TENM3: variants seen among roughly 807,000 people sequenced by gnomAD.
TENM3 encodes teneurin-3.
TENM3 carries 63 observed loss-of-function variants against 255.1 expected under a neutral mutation model. That is an observed-to-expected ratio of 0.25 (90% confidence interval 0.20 to 0.30). The LOEUF is 0.30. Among genes scored for constraint, TENM3 ranks in the 10% least tolerant of loss-of-function variants. The pLI, the probability that TENM3 is intolerant of heterozygous loss-of-function variation, is 1.00. For synonymous variants in TENM3, 1,306 were observed against 1,322.3 expected (o/e 0.99, Z 0.27); for missense variants, 2,929 against 3,461.1 (o/e 0.85, Z 3.86).
intron 22 of TENM3, among the ~76,000 whole-genome samples, chr4:182,762,198 T>C (rs1225321300): frequency 6.6e-6 from 1 of 152,236 alleles, no homozygotes; most frequent in African/African-American, 2.4e-5. Flanking sequence ...CAAGGTTGAA[T>C]TAACTCTTTC....
At chr4:181,655,608 T>A in the TENM3 span, among the ~76,000 whole-genome samples, 1 of 152,206 alleles carries the variant, frequency 6.6e-6, no homozygotes, top group African/African-American at 2.4e-5. Context: ...TGAGCATGTA[T>A]GGCAGAGGCC....
chr4:181,963,017 A>G, the TENM3 span, among the ~76,000 whole-genome samples: 1 of 152,194 alleles, frequency 6.6e-6, no homozygotes, highest in African/African-American at 2.4e-5. Context: ...ATGCACCTCA[A>G]TACTTTCCAG....
chr4:182,148,399 T>C (rs1750105660), intron 1 of TENM3, among the ~76,000 whole-genome samples: 1 of 152,128 alleles, frequency 6.6e-6, no homozygotes, highest in Non-Finnish European at 1.5e-5. Context: ...GGGACCTAAT[T>C]TGAACTTTTT....
At chr4:182,453,901 A>T (rs1561463629) in intron 3 of TENM3, among the ~76,000 whole-genome samples, 1 of 152,150 alleles carries the variant, frequency 6.6e-6, no homozygotes, top group Non-Finnish European at 1.5e-5. Context: ...TTTAACCATT[A>T]TTTCATTTTA....
intron 3 of TENM3, among the ~76,000 whole-genome samples, chr4:182,520,795 T>C (rs1000637408): frequency 6.6e-6 from 1 of 152,160 alleles, no homozygotes; most frequent in Non-Finnish European, 1.5e-5. Context: ...AAAAGAAAAA[T>C]AATTATAGTA....
chr4:181,731,587 A>C, the TENM3 span, among the ~76,000 whole-genome samples: 1 of 152,162 alleles, frequency 6.6e-6, no homozygotes, highest in Non-Finnish European at 1.5e-5. Context: ...TTCTGAGCTC[A>C]AGCGATCCAC....
intron 3 of TENM3, among the ~76,000 whole-genome samples, chr4:182,396,223 C>T (rs1768798241): frequency 6.6e-6 from 1 of 152,164 alleles, no homozygotes; most frequent in African/African-American, 2.4e-5. Flanking sequence ...CTCTGGCTTC[C>T]TTCCAGGCTG....
intron 3 of TENM3, among the ~76,000 whole-genome samples, chr4:182,351,765 C>T (rs1053835084): frequency 1.3e-5 from 2 of 152,136 alleles, no homozygotes; most frequent in Admixed American, 6.5e-5. Flanking sequence ...GGCACTACCA[C>T]CTCCCGACTT....
At chr4:182,023,536 T>C in the TENM3 span, among the ~76,000 whole-genome samples, 1 of 152,144 alleles carries the variant, frequency 6.6e-6, no homozygotes, top group Non-Finnish European at 1.5e-5. Flanking sequence ...GATTATATCA[T>C]AGGGAGGAAT....
the TENM3 span, among the ~76,000 whole-genome samples, chr4:182,036,425 A>C: frequency 6.6e-6 from 1 of 152,138 alleles, no homozygotes. Context: ...TCCTGACCTC[A>C]GGTGATCCGC....
the TENM3 span, among the ~76,000 whole-genome samples, chr4:181,959,904 A>G: frequency 6.6e-6 from 1 of 152,236 alleles, no homozygotes; most frequent in Non-Finnish European, 1.5e-5. Flanking sequence ...AAATAGGGGT[A>G]GAGAGGCAGA....
intron 1 of TENM3, among the ~76,000 whole-genome samples, chr4:182,280,818 A>G (rs1339056764): frequency 1.3e-5 from 2 of 152,250 alleles, no homozygotes; most frequent in African/African-American, 2.4e-5. Context: ...TGTAAAACAG[A>G]TAAGAGTGGA....
the TENM3 span, among the ~76,000 whole-genome samples, chr4:181,638,679 A>C: frequency 7.9e-4 from 120 of 152,332 alleles, no homozygotes; most frequent in African/African-American, 2.8e-3. Flanking sequence ...CTTTATTGGA[A>C]AACATAATAC....
intron 1 of TENM3, among the ~76,000 whole-genome samples, chr4:182,198,785 G>A (rs549454190): frequency 1.3e-5 from 2 of 152,308 alleles, no homozygotes; most frequent in East Asian, 3.9e-4. Flanking sequence ...GCAGAGGGAA[G>A]CAAAGGAATG....
intron 3 of TENM3, among the ~76,000 whole-genome samples, chr4:182,573,796 G>C (rs866592118): frequency 7.9e-5 from 12 of 152,124 alleles, no homozygotes; most frequent in African/African-American, 2.9e-4. Flanking sequence ...ATTCCCAAAT[G>C]TTATGTTTTA....
the TENM3 span, among the ~76,000 whole-genome samples, chr4:182,065,229 T>G: frequency 6.6e-6 from 1 of 152,092 alleles, no homozygotes; most frequent in Non-Finnish European, 1.5e-5. Flanking sequence ...GAGATGGGCT[T>G]TCACCATGTT....
chr4:182,023,524 T>C, the TENM3 span, among the ~76,000 whole-genome samples: 4 of 152,170 alleles, frequency 2.6e-5, no homozygotes, highest in African/African-American at 4.8e-5. Context: ...ATTTTGAACA[T>C]AGATTATATC....
At chr4:182,257,665 G>T (rs767673444) in intron 1 of TENM3, among the ~76,000 whole-genome samples, 1 of 152,144 alleles carries the variant, frequency 6.6e-6, no homozygotes, top group Non-Finnish European at 1.5e-5. Flanking sequence ...GACCGGAATC[G>T]CCAAGAACAA....
chr4:182,042,639 A>T, the TENM3 span, among the ~76,000 whole-genome samples: 4 of 152,228 alleles, frequency 2.6e-5, no homozygotes, highest in Non-Finnish European at 5.9e-5. Context: ...ATAAAATACG[A>T]ATATGTAGGA....
Sources: gnomAD v4.1 joint callset for allele counts (sites outside exome capture counted in the v4.1 genomes callset) on GRCh38, gnomAD v4.1.1 for gene constraint, MANE v1.5 for transcripts, NCBI Gene and HGNC (gene_info 2026-07-23, HGNC 2026-07-21) for gene names.